The following ANKRD55 variants were observed in gnomAD, a reference collection of about 807,000 sequenced individuals.
ANKRD55 encodes the protein ankyrin repeat domain-containing protein 55.
Under a neutral mutation model 60.6 loss-of-function variants are expected in ANKRD55, and 41 were observed. The ratio of observed to expected loss-of-function variants is 0.68; its 90% CI spans 0.53 to 0.88. The LOEUF is 0.88. Among genes scored for constraint, ANKRD55 ranks in the 40% least tolerant of loss-of-function variants. The pLI is 0.00. For missense variants in ANKRD55, 732 were observed against 767.6 expected (o/e 0.95, Z 0.55); for synonymous variants, 264 against 290.3 (o/e 0.91, Z 0.92).
chr5:56,211,952 A>G (rs962440212), intron 2 of ANKRD55, among the ~76,000 whole-genome samples: 2 of 152,288 alleles, frequency 1.3e-5, no homozygotes, highest in East Asian at 1.9e-4. Flanking sequence ...TAAGATAAAT[A>G]TCAAATGGCC....
chr5:56,135,327 C>CTT (rs1326337656), intron 7 of ANKRD55, among the ~76,000 whole-genome samples: 4 of 15,992 alleles, frequency 2.5e-4, no homozygotes, highest in African/African-American at 1.0e-3. Flanking sequence ...TTCTTTCTTT[C>CTT]TTTCTTTCTT....
intron 2 of ANKRD55, among the ~76,000 whole-genome samples, chr5:56,197,630 C>T (rs1463854876): frequency 6.6e-6 from 1 of 152,198 alleles, no homozygotes; most frequent in African/African-American, 2.4e-5. Context: ...AAACATAAGG[C>T]TTTTGATGTC....
chr5:56,193,298 A>G, intron 2 of ANKRD55: 1 of 1,069,446 alleles, frequency 9.4e-7, no homozygotes, highest in Non-Finnish European at 1.4e-6. Context: ...GGAAATTATA[A>G]ATGTAGAAGC....
chr5:56,200,091 T>G (rs1404802227), intron 2 of ANKRD55, among the ~76,000 whole-genome samples: 1 of 152,138 alleles, frequency 6.6e-6, no homozygotes, highest in African/African-American at 2.4e-5. Flanking sequence ...TTCAGAACTT[T>G]CTATATTTTT....
intron 6 of ANKRD55, among the ~76,000 whole-genome samples, chr5:56,149,938 T>C (rs1580982714): frequency 6.6e-6 from 1 of 151,666 alleles, no homozygotes. Flanking sequence ...ACCTCCTGGG[T>C]TCAAGAGATT....
At chr5:56,131,570 T>C (rs1580965144) in intron 7 of ANKRD55, among the ~76,000 whole-genome samples, 1 of 151,736 alleles carries the variant, frequency 6.6e-6, no homozygotes, top group Admixed American at 6.6e-5. Context: ...CTGAGGCAGG[T>C]GGATCACCTG....
intron 4 of ANKRD55, among the ~76,000 whole-genome samples, chr5:56,173,574 CTCTCTCTCTATA>C (rs1395204726): frequency 5.3e-4 from 52 of 98,310 alleles, no homozygotes; most frequent in African/African-American, 1.8e-3. Flanking sequence ...CTCTCTCTCT[CTCTCTCTCTATA>C]TATATATATA....
At chr5:56,127,198 G>A in intron 7 of ANKRD55, 92 bp from the exon 8 acceptor site, 3 of 1,328,370 alleles carry the variant, frequency 2.3e-6, no homozygotes, top group South Asian at 2.8e-5. Flanking sequence ...AGGAAAAAAA[G>A]GAAAGAAAGA....
chr5:56,105,246 CA>C (rs747236290), intron 10 of ANKRD55, among the ~76,000 whole-genome samples: 52 of 152,268 alleles, frequency 3.4e-4, no homozygotes, highest in Non-Finnish European at 5.1e-4. Context: ...GCCACCACAC[CA>C]GGCTAATTTT....
At chr5:56,229,352 G>A (rs1760193474) in intron 2 of ANKRD55, among the ~76,000 whole-genome samples, 1 of 152,124 alleles carries the variant, frequency 6.6e-6, no homozygotes, top group Admixed American at 6.6e-5. Context: ...TATGGTGAAA[G>A]CTGAAGGCAC....
chr5:56,200,040 C>T (rs892736776), intron 2 of ANKRD55, among the ~76,000 whole-genome samples: 8 of 152,232 alleles, frequency 5.3e-5, no homozygotes, highest in African/African-American at 1.4e-4. Context: ...CCTGGAAGAA[C>T]GTGCATCAAA....
At chr5:56,112,589 G>A (rs1474582059) in intron 9 of ANKRD55, among the ~76,000 whole-genome samples, 10 of 151,168 alleles carry the variant, frequency 6.6e-5, no homozygotes, top group South Asian at 2.1e-4. Context: ...GACCAAGGTC[G>A]GGCGTGGCTG....
At chr5:56,212,705 TA>T (rs1366539073) in intron 2 of ANKRD55, among the ~76,000 whole-genome samples, 3 of 152,202 alleles carry the variant, frequency 2.0e-5, no homozygotes, top group Admixed American at 2.0e-4. Flanking sequence ...GCACAGCTAT[TA>T]AATGACAGGA....
chr5:56,101,477 T>G (rs1322877659), intron 11 of ANKRD55, among the ~76,000 whole-genome samples: 1 of 152,150 alleles, frequency 6.6e-6, no homozygotes, highest in East Asian at 1.9e-4. Flanking sequence ...CAGTAAGTAT[T>G]GCTTATTTCA....
At chr5:56,213,492 A>T (rs1437899022) in intron 2 of ANKRD55, among the ~76,000 whole-genome samples, 1 of 151,812 alleles carries the variant, frequency 6.6e-6, no homozygotes, top group African/African-American at 2.4e-5. Flanking sequence ...ACAAACAAAA[A>T]GTAGGTAAGA....
At chr5:56,144,431 G>A (rs1757848034) in intron 6 of ANKRD55, among the ~76,000 whole-genome samples, 1 of 152,166 alleles carries the variant, frequency 6.6e-6, no homozygotes, top group African/African-American at 2.4e-5. Flanking sequence ...CCAGGGCAGG[G>A]GTGCTGTCTG....
chr5:56,184,972 G>T (rs1188841061), intron 2 of ANKRD55, among the ~76,000 whole-genome samples: 7 of 152,002 alleles, frequency 4.6e-5, no homozygotes, highest in African/African-American at 9.7e-5. Flanking sequence ...TGTAATCCCA[G>T]CACTGTGCGA....
Position 56,122,845 on chromosome 5 carries a change from A to C in ANKRD55, c.797+4077T>G, listed in dbSNP as rs184948372. Among the ~76,000 whole-genome samples, 422 of 151,602 alleles carry C rather than the reference A, an allele frequency of 2.8e-3. 3 individuals carry two copies. The highest frequency in any genetic ancestry group is 9.8e-3 in the African/African-American group (404 of 41,266). ...CAGTGGTACAATCACAGTTCACTGC[A>C]ACCTTCACCTCCTGGGCTCAAGCAA... is the stretch of plus-strand genomic sequence containing the variant. On this transcript the variant is annotated intron_variant, in intron 8 of 11. Transcript: ENST00000341048.
At chr5:56,137,598 G>A in intron 7 of ANKRD55, 2 of 630,668 alleles carry the variant, frequency 3.2e-6, no homozygotes, top group South Asian at 1.7e-5. Context: ...GAGATAACAG[G>A]AGCAAAATTG....
Sources: allele counts gnomAD v4.1 joint callset (sites outside exome capture counted in the v4.1 genomes callset), GRCh38; gene constraint gnomAD v4.1.1; transcripts MANE v1.5; gene names NCBI Gene and HGNC (gene_info 2026-07-23, HGNC 2026-07-21).